ROBO3: variants seen among roughly 807,000 people sequenced by gnomAD.
ROBO3 encodes roundabout homolog 3.
In ROBO3, 97 loss-of-function variants were observed where a neutral mutation model predicts 160.5. The ratio of observed to expected loss-of-function variants is 0.60; its 90% CI spans 0.51 to 0.72. The LOEUF (loss-of-function observed/expected upper bound fraction) is 0.72. Ranked by LOEUF, ROBO3 falls within the 30% of genes least tolerant of loss-of-function variation. The probability of loss-of-function intolerance (pLI) is 0.00; values close to 1 mark genes in which losing one functional copy is unlikely to be tolerated. For missense variants in ROBO3, 1,858 were observed against 1,846.5 expected (o/e 1.01, Z -0.11); for synonymous variants, 780 against 746.2 (o/e 1.05, Z -0.74).
rs1271307635 is a variant in ROBO3, at chr11:124,873,116, A to G, written c.1536+27A>G. 42 of 1,600,730 alleles carry G rather than the reference A, an allele frequency of 2.6e-5. No homozygotes were observed. Among genetic ancestry groups the G allele is most frequent in the Non-Finnish European group, 3.3e-5 (39 of 1,170,562 alleles). On this transcript the variant is annotated intron_variant, in intron 9 of 27. Coordinates refer to ENST00000397801, the MANE Select transcript of ROBO3 (RefSeq NM_022370.4). The surrounding 1 kb of genome is among the most constrained non-coding windows in gnomAD (Gnocchi z 4.5). ...TGAGTGTCACCCCTGGGGCCCTAGT[A>G]GCTGAGAATGGCTATCTGCTCCACG...
chr11:124,877,807 C>A, intron 20 of ROBO3, 130 bp from the exon 21 acceptor site: 1 of 1,204,876 alleles, frequency 8.3e-7, no homozygotes, highest in Non-Finnish European at 1.2e-6. Flanking sequence ...GACCTACCTC[C>A]ACCCTGGTTT....
In ROBO3 at chr11:124,870,246, G is replaced by A; in HGVS notation, c.848G>A (p.Gly283Glu). Reference sequence around the variant, plus strand: ...GTGACTTTCCTATGTGAGGTGAAGGGGGATCCCCCACCTCGTCTACGCTGG... The same window carrying A: ...GTGACTTTCCTATGTGAGGTGAAGGAGGATCCCCCACCTCGTCTACGCTGG... ...APVTFLCEVK[G>E]DPPPRLRWRK... Residue 283 changes from glycine (G) to glutamate (E), a missense_variant, in exon 5 of 28, where the codon GGG becomes GAG. Gly to Glu is a moderately conservative substitution (Grantham distance 98). Transcript: ENST00000397801. The A allele has an allele frequency of 1.9e-6, 3 of 1,614,018 alleles. No individual in the cohort carries two copies. Among genetic ancestry groups the A allele is most frequent in the South Asian group, 1.1e-5 (1 of 91,086 alleles).
At position 124,876,113 on chromosome 11, in the gene ROBO3, C is replaced by G. The variant is rs780507214; in HGVS notation, c.2581C>G (p.Leu861Val). The G allele has an allele frequency of 1.2e-6, 2 of 1,601,490 alleles. No individual in the cohort carries two copies. Among genetic ancestry groups the G allele is most frequent in the African/African-American group, 2.7e-5 (2 of 74,918 alleles). ...AGVGVPSAPV[L>V]VQLPSPPDLE... ...CGTGGGCGTGCCCAGTGCCCCAGTG[C>G]TGGTGCAGCTGCGTGAGTCCACCCG... is the stretch of plus-strand genomic sequence containing the variant. Residue 861 changes from leucine to valine, a missense_variant, in exon 16 of 28, where the codon CTG (leucine) becomes GTG (valine). Transcript: ENST00000397801. This position sits in a 1 kb window ranked among gnomAD's most constrained non-coding sequence, Gnocchi z 5.3.
rs780179474 is a variant in ROBO3, at chr11:124,872,413, G to A, written c.1191G>A (p.Pro397=). ...TTTTCCCCAGTCAGTCACTTCAGCC[G>A]ACGGGGCGCTTCTCAGTGTCTCCAA... ...VLLFPSQSLQ[P]TGRFSVSPRG... Residue 397 remains proline, a synonymous_variant, in exon 8 of 28, where the codon CCG becomes CCA. Coordinates refer to ENST00000397801, the MANE Select transcript of ROBO3 (RefSeq NM_022370.4). The surrounding 1 kb of genome is among the most constrained non-coding windows in gnomAD (Gnocchi z 4.3). 7.2e-5 allele frequency: 116 copies of A among 1,613,912 alleles called. No individual in the cohort carries two copies. The highest frequency in any genetic ancestry group is 2.7e-4 in the Admixed American group (16 of 60,016).
chr11:124,875,285 G>T lies in ROBO3; in HGVS notation c.2248G>T (p.Glu750Ter). The T allele has an allele frequency of 6.2e-7, 1 of 1,613,804 alleles. No homozygotes were observed. The highest frequency in any genetic ancestry group is 1.1e-5 in the South Asian group (1 of 91,070). Residue 750 changes from glutamate (E) to a stop codon, truncating the protein, a stop_gained, in exon 14 of 28, where the codon GAG (glutamate) becomes TAG (stop). Coordinates refer to ENST00000397801, the MANE Select transcript of ROBO3 (RefSeq NM_022370.4). LOFTEE classifies it high-confidence loss of function. ...IQIKVQAQGQ[E>*]GLGAESLSVT... Reference sequence around the variant, plus strand: ...GATCAAGGTGCAAGCCCAAGGCCAGGAGGGGCTGGGGGCTGAAAGCCTCTC... The same window carrying T: ...GATCAAGGTGCAAGCCCAAGGCCAGTAGGGGCTGGGGGCTGAAAGCCTCTC...
At position 124,875,145 on chromosome 11, in the gene ROBO3, G is replaced by A. The variant is rs121918271; in HGVS notation, c.2108G>A (p.Arg703Gln). Residue 703 changes from arginine to glutamine, a missense_variant, in exon 14 of 28, where the codon CGG (arginine) becomes CAG (glutamine). Coordinates refer to ENST00000397801, the MANE Select transcript of ROBO3 (RefSeq NM_022370.4). ...DGPVQLVQGF[R>Q]VSWRVAGPEG... ...CCAGTCCAGCTGGTGCAAGGTTTCC[G>A]GGTGTCTTGGAGGGTAGCAGGCCCT... 5.1e-5 allele frequency: 82 copies of A among 1,612,512 alleles called. No homozygotes were observed. Among genetic ancestry groups the A allele is most frequent in the East Asian group, 4.2e-4 (19 of 44,816 alleles).
intron 20 of ROBO3, 71 bp from the exon 21 acceptor site, chr11:124,877,866 C>A: frequency 8.0e-7 from 1 of 1,251,592 alleles, no homozygotes; most frequent in East Asian, 2.5e-5. Flanking sequence ...TGGGATTTCC[C>A]TTTGTCTTCC....
rs773850291 is a variant in ROBO3, at chr11:124,878,681, G to A, written c.3418G>A (p.Glu1140Lys). 1.2e-5 allele frequency: 19 copies of A among 1,613,476 alleles called. No homozygotes were observed. In the South Asian group the frequency reaches 1.8e-4, roughly 15 times the overall value. Reference protein sequence around the residue: ...GGCLVTPSRRETPSPTPSYGQ... With the variant: ...GGCLVTPSRRKTPSPTPSYGQ... ...GTGCCTGGTCACCCCATCCCGAAGG[G>A]AAACCCCCTCTCCCACACCTTCCTA... Residue 1140 changes from glutamate (E) to lysine (K), a missense_variant, in exon 23 of 28, where the codon GAA becomes AAA. Glu to Lys is a moderately conservative substitution (Grantham distance 56). Transcript: ENST00000397801. This position sits in a 1 kb window ranked among gnomAD's most constrained non-coding sequence, Gnocchi z 4.3.
At chr11:124,874,291 C>T (rs1946320518) in intron 12 of ROBO3, 55 bp downstream of exon 12, 1 of 1,513,000 alleles carries the variant, frequency 6.6e-7, no homozygotes, top group Non-Finnish European at 9.0e-7. Context: ...ATAAAGCAAC[C>T]CTCTCCCCCA....
At position 124,865,624 on chromosome 11, in the gene ROBO3, C is replaced by G; in HGVS notation, c.47C>G (p.Ala16Gly). The G allele has an allele frequency of 6.2e-7, 1 of 1,612,970 alleles. No homozygotes were observed. Among genetic ancestry groups the G allele is most frequent in the South Asian group, 1.1e-5 (1 of 90,880 alleles). The change falls in exon 1 of 28, where the codon GCG becomes GGG. Residue 16 changes from alanine (A) to glycine (G), a missense_variant. Ala to Gly is a moderately conservative substitution (Grantham distance 60). Coordinates refer to ENST00000397801, the MANE Select transcript of ROBO3 (RefSeq NM_022370.4). The surrounding 1 kb of genome is among the most constrained non-coding windows in gnomAD (Gnocchi z 5.5). ...ACGCTGCTGCAGATGAACTTGTTCG[C>G]GGACTCTCTGGCCGGGGACATCTCC... The part of the protein sequence containing the change: ...LKTLLQMNLF[A>G]DSLAGDISNS...
chr11:124,869,690 G>T lies in ROBO3; in HGVS notation c.645+83G>T. Reference sequence around the variant, plus strand: ...GTGACAAGGCTGGAGATTGAGATCAGGGCATTAGCTAACCAGAGACTAAGA... The same window carrying T: ...GTGACAAGGCTGGAGATTGAGATCATGGCATTAGCTAACCAGAGACTAAGA... On this transcript the variant is annotated intron_variant, in intron 3 of 27. Coordinates refer to ENST00000397801, the MANE Select transcript of ROBO3 (RefSeq NM_022370.4). This position sits in a 1 kb window ranked among gnomAD's most constrained non-coding sequence, Gnocchi z 4.2. 1 of 1,421,594 alleles carries T rather than the reference G, an allele frequency of 7.0e-7. No individual in the cohort carries two copies. Among genetic ancestry groups the T allele is most frequent in the South Asian group, 1.4e-5 (1 of 70,964 alleles). 88.1% of individuals were successfully genotyped at this position (1,421,594 alleles called of 1,614,324 possible).
In ROBO3 at chr11:124,876,871, C is replaced by T; in HGVS notation, c.2780-290C>T. 1 of 568,694 alleles carries T rather than the reference C, an allele frequency of 1.8e-6. No individual in the cohort carries two copies. The highest frequency in any genetic ancestry group is 2.3e-5 in the South Asian group (1 of 43,588). 35.2% of individuals were successfully genotyped at this position (568,694 alleles called of 1,614,324 possible). Reference sequence around the variant, plus strand: ...AAAGGCGGGGCCCGCTGAAAGAAGGCGATCCGAGTTCTGCTACTTCCTAGT... The same window carrying T: ...AAAGGCGGGGCCCGCTGAAAGAAGGTGATCCGAGTTCTGCTACTTCCTAGT... On this transcript the variant is annotated intron_variant, in intron 17 of 27. Coordinates refer to ENST00000397801, the MANE Select transcript of ROBO3 (RefSeq NM_022370.4). This position sits in a 1 kb window ranked among gnomAD's most constrained non-coding sequence, Gnocchi z 5.3.
rs1591516571 is a variant in ROBO3, at chr11:124,876,753, G to C, written c.2779+293G>C. 3.0e-6 allele frequency: 1 copy of C among 329,574 alleles called. No homozygotes were observed. Among genetic ancestry groups the C allele is most frequent in the Non-Finnish European group, 5.5e-6 (1 of 180,406 alleles). 20.4% of individuals were successfully genotyped at this position (329,574 alleles called of 1,614,324 possible). On this transcript the variant is annotated intron_variant, in intron 17 of 27. Transcript: ENST00000397801. The surrounding 1 kb of genome is among the most constrained non-coding windows in gnomAD (Gnocchi z 5.3). ...ATAAAGAAGGGGCAAGTTCGAGGAC[G>C]GAAAGCCCACTCAAAGGGCGGGGGG...
chr11:124,869,201 C>G lies in ROBO3; in HGVS notation c.487+73C>G. 1 of 1,435,084 alleles carries G rather than the reference C, an allele frequency of 7.0e-7. No homozygotes were observed. Among genetic ancestry groups the G allele is most frequent in the Non-Finnish European group, 9.4e-7 (1 of 1,062,118 alleles). 88.9% of individuals were successfully genotyped at this position (1,435,084 alleles called of 1,614,324 possible). ...GGCGGGAGGGCACTGGGCAATCAGA[C>G]CCAGAACCAGCCCCAAAGGACTTCA... On this transcript the variant is annotated intron_variant, in intron 2 of 27. Transcript: ENST00000397801. The surrounding 1 kb of genome is among the most constrained non-coding windows in gnomAD (Gnocchi z 4.2).
chr11:124,868,405 G>A (rs1946231080), intron 1 of ROBO3: 4 of 516,276 alleles, frequency 7.7e-6, no homozygotes, highest in South Asian at 2.3e-5. Flanking sequence ...GAGCAAGGAC[G>A]ATCCGTGAAC....
intron 1 of ROBO3, 96 bp from the exon 2 acceptor site, chr11:124,868,705 GA>G: frequency 8.1e-7 from 1 of 1,237,876 alleles, no homozygotes; most frequent in Non-Finnish European, 1.2e-6. Context: ...AGAAGCATAG[GA>G]GATGGAACGA....
rs918830585 is a variant in ROBO3, at chr11:124,869,468, G to C, written c.506G>C (p.Arg169Pro). 1 of 1,427,590 alleles carries C rather than the reference G, an allele frequency of 7.0e-7. No homozygotes were observed. The allele number at this position is 1,427,590 out of a possible 1,614,324, so 88.4% of individuals were successfully genotyped here. ...CGCCCAGTCCTCCGTGATGATTTCC[G>C]GCAGTCTCCTGGAAACGTGGTGGTG... ...LEVAVLRDDF[R>P]QSPGNVVVAV... is the part of the protein sequence containing the mutation. The change falls in exon 3 of 28, where the codon CGG (arginine) becomes CCG (proline). Residue 169 changes from arginine (R) to proline (P), a missense_variant. By Grantham distance (103) the Arg-to-Pro change is moderately radical (BLOSUM62 -2). Transcript: ENST00000397801. This position sits in a 1 kb window ranked among gnomAD's most constrained non-coding sequence, Gnocchi z 4.2.
Position 124,873,868 on chromosome 11 carries a change from G to A in ROBO3, c.1784+6G>A, listed in dbSNP as rs749504320. ...TATGTGATAGAGGCCTTCAGGTATG[G>A]AGAAAGTTTTGAATGCAAACCTGGA... On this transcript the variant is annotated splice_donor_region_variant and intron_variant, in intron 11 of 27. Coordinates refer to ENST00000397801, the MANE Select transcript of ROBO3 (RefSeq NM_022370.4). The surrounding 1 kb of genome is among the most constrained non-coding windows in gnomAD (Gnocchi z 4.5). 12 of 1,612,410 alleles carry A rather than the reference G, an allele frequency of 7.4e-6. No individual in the cohort carries two copies. The highest frequency in any genetic ancestry group is 1.0e-5 in the Non-Finnish European group (12 of 1,179,106).
chr11:124,878,663 G>C lies in ROBO3; in HGVS notation c.3400G>C (p.Val1134Leu). The C allele has an allele frequency of 1.2e-6, 2 of 1,613,382 alleles. No homozygotes were observed. Among genetic ancestry groups the C allele is most frequent in the Non-Finnish European group, 1.7e-6 (2 of 1,179,664 alleles). Reference sequence around the variant, plus strand: ...GCCCAGCTCCAGTGGAGGGTGCCTGGTCACCCCATCCCGAAGGGAAACCCC... The same window carrying C: ...GCCCAGCTCCAGTGGAGGGTGCCTGCTCACCCCATCCCGAAGGGAAACCCC... ...TEPSSSGGCL[V>L]TPSRRETPSP... Residue 1134 changes from valine (V) to leucine (L), a missense_variant, in exon 23 of 28, where the codon GTC becomes CTC. Transcript: ENST00000397801. This position sits in a 1 kb window ranked among gnomAD's most constrained non-coding sequence, Gnocchi z 4.3.
Sources: gnomAD v4.1 joint callset for allele counts on GRCh38, gnomAD v4.1.1 for gene constraint, Gnocchi (gnomAD v3.1) non-coding constraint, MANE v1.5 for transcripts, NCBI Gene and HGNC (gene_info 2026-07-23, HGNC 2026-07-21) for gene names.